The following RALGPS2 variants were observed in gnomAD, a reference collection of about 807,000 sequenced individuals.
RALGPS2 encodes the protein Ral GEF with PH domain and SH3 binding motif 2, also known as ras-specific guanine nucleotide-releasing factor RalGPS2.
A neutral mutation model predicts 86.8 loss-of-function variants in RALGPS2; 43 were observed. The observed-to-expected ratio is 0.50, with a 90% confidence interval of 0.39 to 0.64. RALGPS2 has a LOEUF of 0.64. Ranked by LOEUF, RALGPS2 falls within the 30% of genes least tolerant of loss-of-function variation. The pLI is 0.00. For missense variants in RALGPS2, 536 were observed against 694.6 expected, an observed-to-expected ratio of 0.77 and a Z score of 2.57; for synonymous variants, 243 against 231.3, an observed-to-expected ratio of 1.05 and a Z score of -0.46.
chr1:178,897,549 T>G, intron 16 of RALGPS2, 115 bp from the exon 17 acceptor site: 4 of 795,496 alleles, frequency 5.0e-6, no homozygotes, highest in Non-Finnish European at 6.4e-6. Flanking sequence ...AGCTCAACTC[T>G]GAGGTTAGGA....
chr1:178,801,356 G>A (rs892704845), intron 4 of RALGPS2, among the ~76,000 whole-genome samples: 3 of 152,006 alleles, frequency 2.0e-5, no homozygotes, highest in African/African-American at 7.2e-5. Context: ...GAAAACAGAT[G>A]TCTTAATAGT....
chr1:178,826,236 A>G (rs921265651), intron 7 of RALGPS2, among the ~76,000 whole-genome samples: 2 of 152,222 alleles, frequency 1.3e-5, no homozygotes, highest in African/African-American at 2.4e-5. Flanking sequence ...TATAATTGCT[A>G]TTGTATATGT....
chr1:178,919,107 C>T lies in RALGPS2; in HGVS notation c.*2748C>T, dbSNP rs528971017. Reference sequence around the variant, plus strand: ...CCTTCCAGAGCACTGTTTTTGGCCTCGTGCCCGCTCTGTTCAGGCTCTGCT... The same window carrying T: ...CCTTCCAGAGCACTGTTTTTGGCCTTGTGCCCGCTCTGTTCAGGCTCTGCT... On this transcript the variant is annotated 3_prime_UTR_variant, in exon 20 of 20. Transcript: ENST00000367635. 3 of 152,116 alleles carry T rather than the reference C, an allele frequency of 2.0e-5. No homozygotes were observed. The highest frequency in any genetic ancestry group is 2.1e-4 in the South Asian group (1 of 4,822). The allele number at this position is 152,116 out of a possible 1,614,324, so 9.4% of individuals were successfully genotyped here.
At chr1:178,727,343 G>A (rs558970604) in intron 1 of RALGPS2, among the ~76,000 whole-genome samples, 2 of 152,214 alleles carry the variant, frequency 1.3e-5, no homozygotes, top group East Asian at 3.9e-4. Context: ...GGGACTACAG[G>A]CATGCGCCAC....
At chr1:178,846,865 T>C (rs949587042) in intron 8 of RALGPS2, among the ~76,000 whole-genome samples, 4 of 152,192 alleles carry the variant, frequency 2.6e-5, no homozygotes, top group Non-Finnish European at 5.9e-5. Flanking sequence ...TATTCAACAC[T>C]TAGGCCTATA....
intron 8 of RALGPS2, among the ~76,000 whole-genome samples, chr1:178,835,252 G>T (rs1656217224): frequency 6.6e-6 from 1 of 152,156 alleles, no homozygotes; most frequent in African/African-American, 2.4e-5. Context: ...ATTCCACAAT[G>T]ACTCTACAGT....
intron 8 of RALGPS2, among the ~76,000 whole-genome samples, chr1:178,866,113 C>G (rs1156954188): frequency 2.6e-5 from 4 of 152,116 alleles, no homozygotes; most frequent in Non-Finnish European, 4.4e-5. Context: ...GCTGCTAGTG[C>G]TGTTGAGGCT....
intron 1 of RALGPS2, among the ~76,000 whole-genome samples, chr1:178,749,432 G>T (rs749026594): frequency 1.1e-4 from 17 of 152,204 alleles, no homozygotes; most frequent in Non-Finnish European, 2.2e-4. Context: ...GTTGCAGTGA[G>T]CCTGGTTTTT....
At chr1:178,823,945 G>A (rs149928200) in intron 7 of RALGPS2, among the ~76,000 whole-genome samples, 1 of 152,276 alleles carries the variant, frequency 6.6e-6, no homozygotes, top group Non-Finnish European at 1.5e-5. Flanking sequence ...TAAGGAGGGA[G>A]CATAGATGAA....
chr1:178,786,461 A>T (rs906406198), intron 4 of RALGPS2, among the ~76,000 whole-genome samples: 1 of 151,998 alleles, frequency 6.6e-6, no homozygotes, highest in Non-Finnish European at 1.5e-5. Flanking sequence ...ATTTGTTTCT[A>T]ATGAAAACAA....
At chr1:178,835,064 C>T (rs1003561483) in intron 8 of RALGPS2, among the ~76,000 whole-genome samples, 3 of 152,160 alleles carry the variant, frequency 2.0e-5, no homozygotes, top group Non-Finnish European at 4.4e-5. Flanking sequence ...AGGCATGAGC[C>T]ATCACACCCA....
intron 1 of RALGPS2, among the ~76,000 whole-genome samples, chr1:178,762,434 G>A (rs999136584): frequency 3.3e-5 from 5 of 152,204 alleles, no homozygotes. Context: ...TTGCCAAGCT[G>A]CTTTCCACAG....
intron 5 of RALGPS2, 71 bp downstream of exon 5, chr1:178,808,199 A>AT: frequency 9.0e-7 from 1 of 1,106,330 alleles, no homozygotes; most frequent in Non-Finnish European, 1.4e-6. Context: ...TTAAGAAATA[A>AT]TTTAACTTTT....
At chr1:178,837,042 A>G (rs1558142049) in intron 8 of RALGPS2, among the ~76,000 whole-genome samples, 1 of 151,866 alleles carries the variant, frequency 6.6e-6, no homozygotes, top group Non-Finnish European at 1.5e-5. Flanking sequence ...CAGCCTCCCA[A>G]AGTGCTGGGA....
At chr1:178,766,851 T>C (rs1652531688) in intron 1 of RALGPS2, among the ~76,000 whole-genome samples, 1 of 152,236 alleles carries the variant, frequency 6.6e-6, no homozygotes. Flanking sequence ...CCAAGTTGCC[T>C]GCTTTTTCTC....
intron 4 of RALGPS2, among the ~76,000 whole-genome samples, chr1:178,789,187 G>A (rs544165141): frequency 2.0e-5 from 3 of 152,304 alleles, no homozygotes; most frequent in Non-Finnish European, 2.9e-5. Flanking sequence ...GTTTACAGGC[G>A]TGAGCCACTG....
chr1:178,746,512 G>C (rs1311923466), intron 1 of RALGPS2, among the ~76,000 whole-genome samples: 1 of 152,142 alleles, frequency 6.6e-6, no homozygotes, highest in Non-Finnish European at 1.5e-5. Flanking sequence ...GTCTTAGCTG[G>C]TGGATGCTCT....
intron 8 of RALGPS2, chr1:178,850,883 C>T (rs981105931): frequency 1.5e-5 from 5 of 329,168 alleles, no homozygotes; most frequent in African/African-American, 1.1e-4. Flanking sequence ...TTTTAGAAAA[C>T]AAACTTTGTA....
rs1185417772 is a variant in RALGPS2, at chr1:178,919,993, T to G, written c.*3634T>G. 1 of 152,024 alleles carries G rather than the reference T, an allele frequency of 6.6e-6. No individual in the cohort carries two copies. Among genetic ancestry groups the G allele is most frequent in the African/African-American group, 2.4e-5 (1 of 41,444 alleles). The allele number at this position is 152,024 out of a possible 1,614,324, so 9.4% of individuals were successfully genotyped here. ...GCATGAATAGATGATACAAAGCAAG[T>G]GATGAGGTTGGTATGACTTCTTTAG... On this transcript the variant is annotated 3_prime_UTR_variant, in exon 20 of 20. Coordinates refer to ENST00000367635, the MANE Select transcript of RALGPS2 (RefSeq NM_152663.5).
Sources: allele counts gnomAD v4.1 joint callset (sites outside exome capture counted in the v4.1 genomes callset), GRCh38; gene constraint gnomAD v4.1.1; transcripts MANE v1.5; gene names NCBI Gene and HGNC (gene_info 2026-07-23, HGNC 2026-07-21).